Variants in GULP1 observed in about 807,000 individuals in gnomAD.
The protein encoded by GULP1 is PTB domain-containing engulfment adapter protein 1.
In GULP1, 19 loss-of-function variants were observed where a neutral mutation model predicts 40.9. That is an observed-to-expected ratio of 0.46 (90% CI 0.32 to 0.68). GULP1 has a LOEUF of 0.68. GULP1 is among the 30% of genes least tolerant of loss of function. The pLI is 0.03. For synonymous variants in GULP1, 119 were observed against 117.6 expected, an observed-to-expected ratio of 1.01 and a Z score of -0.08; for missense variants, 312 against 362.2, an observed-to-expected ratio of 0.86 and a Z score of 1.12.
At chr2:188,550,929 T>A (rs1693302993) in intron 7 of GULP1, among the ~76,000 whole-genome samples, 1 of 151,586 alleles carries the variant, frequency 6.6e-6, no homozygotes, top group Non-Finnish European at 1.5e-5. Context: ...CCAATACCAA[T>A]TTTCATGTCT....
intron 4 of GULP1, among the ~76,000 whole-genome samples, chr2:188,489,192 G>GCA (rs2062128200): frequency 6.6e-6 from 1 of 151,974 alleles, no homozygotes; most frequent in Non-Finnish European, 1.5e-5. Context: ...TCAACTCTTT[G>GCA]GAATCGTTGA....
chr2:188,401,690 T>G (rs375673223), intron 2 of GULP1, among the ~76,000 whole-genome samples: 3 of 152,106 alleles, frequency 2.0e-5, no homozygotes, highest in Non-Finnish European at 4.4e-5. Flanking sequence ...TGTCCTTAGG[T>G]TAAGTAGCTA....
intron 8 of GULP1, chr2:188,569,753 A>T (rs1698624543): frequency 2.8e-6 from 1 of 356,518 alleles, no homozygotes; most frequent in African/African-American, 2.2e-5. Context: ...ATATTCCAAG[A>T]TTATGGGTAT....
chr2:188,455,912 A>G (rs1436398927), intron 2 of GULP1, among the ~76,000 whole-genome samples: 2 of 152,194 alleles, frequency 1.3e-5, no homozygotes, highest in African/African-American at 4.8e-5. Context: ...AAGAGGAGGA[A>G]CTTGTTAGGA....
intron 1 of GULP1, among the ~76,000 whole-genome samples, chr2:188,374,784 A>G (rs1304853090): frequency 1.3e-5 from 2 of 151,962 alleles, no homozygotes; most frequent in African/African-American, 4.8e-5. Context: ...CTGCAAAGGA[A>G]ATTCAGGGTG....
At chr2:188,364,877 C>T (rs1300125882) in intron 1 of GULP1, among the ~76,000 whole-genome samples, 3 of 101,892 alleles carry the variant, frequency 2.9e-5, no homozygotes, top group East Asian at 3.3e-4. Flanking sequence ...CACATATACA[C>T]ACACACACAC....
At chr2:188,495,860 C>T (rs2062847435) in intron 4 of GULP1, among the ~76,000 whole-genome samples, 3 of 152,020 alleles carry the variant, frequency 2.0e-5, no homozygotes, top group East Asian at 3.9e-4. Context: ...AAAAAGCTTC[C>T]GTGATTTCAA....
At chr2:188,387,007 C>T (rs1032047590) in intron 2 of GULP1, among the ~76,000 whole-genome samples, 12 of 151,894 alleles carry the variant, frequency 7.9e-5, no homozygotes, top group South Asian at 2.1e-4. Context: ...GAGGCCAAGT[C>T]GGTGGATTAA....
chr2:188,481,888 A>T (rs953939068), intron 3 of GULP1, among the ~76,000 whole-genome samples: 1 of 151,994 alleles, frequency 6.6e-6, no homozygotes, highest in Non-Finnish European at 1.5e-5. Flanking sequence ...AATGTATAAA[A>T]GCAAGACTAT....
At position 188,491,947 on chromosome 2, in the gene GULP1, G is replaced by A. The variant is rs1251755622; in HGVS notation, c.90+8455G>A. Reference sequence around the variant, plus strand: ...TTATTTCTTCAGTTTCCAGAAAAGTGTGTATCATCTATTTTTTTTCCTTTT... The same window carrying A: ...TTATTTCTTCAGTTTCCAGAAAAGTATGTATCATCTATTTTTTTTCCTTTT... On this transcript the variant is annotated intron_variant, in intron 4 of 11. Transcript: ENST00000409830. Among the ~76,000 whole-genome samples, 7 of 151,876 alleles carry A rather than the reference G, an allele frequency of 4.6e-5. No homozygotes were observed. The East Asian group carries it at 1.2e-3, about 25-fold the overall frequency.
At chr2:188,436,505 C>A (rs974132039) in intron 2 of GULP1, among the ~76,000 whole-genome samples, 1 of 152,016 alleles carries the variant, frequency 6.6e-6, no homozygotes, top group Admixed American at 6.6e-5. Flanking sequence ...ATTATAGAAA[C>A]ATGTTCATGT....
At position 188,361,357 on chromosome 2, in the gene GULP1, A is replaced by G. The variant is rs1385466631; in HGVS notation, c.-171-22406A>G. Among the ~76,000 whole-genome samples the G allele has an allele frequency of 2.0e-5, 3 of 152,002 alleles. No homozygotes were observed. The East Asian group carries it at 5.8e-4, about 29-fold the overall frequency. On this transcript the variant is annotated intron_variant, in intron 1 of 11. Transcript: ENST00000409830. Reference sequence around the variant, plus strand: ...GGAATGACTCTGGCTTGTTTGAGGCACAGCAAGAAGATTTATAGAAGATTT... The same window carrying G: ...GGAATGACTCTGGCTTGTTTGAGGCGCAGCAAGAAGATTTATAGAAGATTT...
At chr2:188,517,056 C>T (rs2065246599) in intron 4 of GULP1, among the ~76,000 whole-genome samples, 1 of 152,110 alleles carries the variant, frequency 6.6e-6, no homozygotes, top group Non-Finnish European at 1.5e-5. Context: ...GGCTCACCCA[C>T]TAGGATGTAA....
At chr2:188,481,334 A>G (rs867670731) in intron 3 of GULP1, among the ~76,000 whole-genome samples, 12 of 151,960 alleles carry the variant, frequency 7.9e-5, no homozygotes, top group Admixed American at 2.6e-4. Flanking sequence ...AAAAAGTTTT[A>G]TTTTGTCATT....
chr2:188,403,304 CTT>C (rs1575032270), intron 2 of GULP1, among the ~76,000 whole-genome samples: 2 of 151,884 alleles, frequency 1.3e-5, no homozygotes, highest in Non-Finnish European at 2.9e-5. Flanking sequence ...AGGTAAATCT[CTT>C]GTTTTTTTAA....
At chr2:188,351,041 G>A (rs1399526126) in intron 1 of GULP1, among the ~76,000 whole-genome samples, 2 of 152,022 alleles carry the variant, frequency 1.3e-5, no homozygotes, top group African/African-American at 2.4e-5. Context: ...ACCAATGTAA[G>A]TATTAGGACT....
chr2:188,379,331 G>A (rs187572253), intron 1 of GULP1, among the ~76,000 whole-genome samples: 3 of 152,178 alleles, frequency 2.0e-5, no homozygotes, highest in Non-Finnish European at 4.4e-5. Flanking sequence ...GAATGCATTT[G>A]GAAGAATAAA....
chr2:188,457,469 A>T (rs965672802), intron 2 of GULP1, among the ~76,000 whole-genome samples: 13 of 152,310 alleles, frequency 8.5e-5, no homozygotes, highest in Admixed American at 8.5e-4. Context: ...CCATCCACGT[A>T]GGATGTGACT....
chr2:188,348,074 A>G (rs1230193132), intron 1 of GULP1, among the ~76,000 whole-genome samples: 2 of 152,228 alleles, frequency 1.3e-5, no homozygotes, highest in African/African-American at 4.8e-5. Context: ...TTCAGTGCGG[A>G]AGTAACTTAT....
Sources: allele counts gnomAD v4.1 joint callset (sites outside exome capture counted in the v4.1 genomes callset), GRCh38; gene constraint gnomAD v4.1.1; transcripts MANE v1.5; gene names NCBI Gene and HGNC (gene_info 2026-07-23, HGNC 2026-07-21).